THSD4: variants seen among roughly 807,000 people sequenced by gnomAD.
THSD4 encodes thrombospondin type-1 domain-containing protein 4.
THSD4 carries 69 observed loss-of-function variants against 119.0 expected under a neutral mutation model. The ratio of observed to expected loss-of-function variants is 0.58; its 90% CI spans 0.48 to 0.71. The LOEUF is 0.71. THSD4 is among the 30% of genes least tolerant of loss of function. The pLI is 0.00. For synonymous variants in THSD4, 524 were observed against 540.4 expected, an observed-to-expected ratio of 0.97 and a Z score of 0.42; for missense variants, 1,393 against 1,391.1, an observed-to-expected ratio of 1.00 and a Z score of -0.02.
intron 3 of THSD4, chr15:71,189,043 A>G (rs1379662540): frequency 1.3e-5 from 2 of 152,408 alleles, no homozygotes; most frequent in African/African-American, 2.4e-5. Flanking sequence ...TCTTTCAACT[A>G]GAATCATTGA....
chr15:71,226,202 G>T (rs2044017022), intron 4 of THSD4, among the ~76,000 whole-genome samples: 1 of 152,152 alleles, frequency 6.6e-6, no homozygotes, highest in South Asian at 2.1e-4. Flanking sequence ...AGGGTCAAAT[G>T]AGGTAACAGC....
Position 71,547,522 on chromosome 15 carries a change from T to C in THSD4, c.1153-113008T>C, listed in dbSNP as rs758206399. On this transcript the variant is annotated intron_variant, in intron 7 of 17. Coordinates refer to ENST00000261862, the MANE Select transcript of THSD4 (RefSeq NM_024817.3). ...TATCTTGTCAGAAGTTGTATTTTTT[T>C]TCAGCATTATATTTCCTCTTCTATC... is the stretch of plus-strand genomic sequence containing the variant. The C allele has an allele frequency of 2.6e-6, 4 of 1,547,536 alleles. No homozygotes were observed. In the African/African-American group the frequency reaches 4.1e-5, roughly 16 times the overall value.
intron 6 of THSD4, among the ~76,000 whole-genome samples, chr15:71,272,684 A>G (rs974718284): frequency 6.6e-6 from 1 of 151,940 alleles, no homozygotes; most frequent in African/African-American, 2.4e-5. Flanking sequence ...CACGTAGTGA[A>G]GCCCCGTCTC....
intron 3 of THSD4, chr15:71,172,124 G>C (rs143366689): frequency 6.6e-6 from 1 of 152,012 alleles, no homozygotes; most frequent in African/African-American, 2.4e-5. Flanking sequence ...TCAGGAGTTC[G>C]AGACCAGCCT....
chr15:71,412,703 G>A (rs1010319272), intron 7 of THSD4, among the ~76,000 whole-genome samples: 2 of 152,110 alleles, frequency 1.3e-5, no homozygotes, highest in Admixed American at 1.3e-4. Context: ...TAATATTAGG[G>A]ATATTGAGGT....
At chr15:71,666,058 G>C (rs1010616835) in intron 8 of THSD4, among the ~76,000 whole-genome samples, 2 of 152,130 alleles carry the variant, frequency 1.3e-5, no homozygotes, top group Admixed American at 1.3e-4. Context: ...TGGTAGTTTG[G>C]TAGGAATAAC....
At chr15:71,149,358 G>C (rs1263675525) in intron 2 of THSD4, among the ~76,000 whole-genome samples, 1 of 152,136 alleles carries the variant, frequency 6.6e-6, no homozygotes, top group African/African-American at 2.4e-5. Context: ...CGATTCTCCT[G>C]CCTCAGCCTC....
chr15:71,446,082 A>G (rs2047176799), intron 7 of THSD4, among the ~76,000 whole-genome samples: 1 of 152,240 alleles, frequency 6.6e-6, no homozygotes, highest in Non-Finnish European at 1.5e-5. Context: ...ATCTCCATGA[A>G]CAACATCTAA....
chr15:71,633,269 CTTTTTTTTTT>C (rs67682951), intron 7 of THSD4, among the ~76,000 whole-genome samples: 3 of 63,162 alleles, frequency 4.7e-5, no homozygotes, highest in Non-Finnish European at 5.9e-5. Context: ...TTCTTTCTTT[CTTTTTTTTTT>C]TTTTTTTTTT....
At chr15:71,307,857 A>G (rs564168876) in intron 6 of THSD4, among the ~76,000 whole-genome samples, 108 of 152,236 alleles carry the variant, frequency 7.1e-4, no homozygotes, top group Non-Finnish European at 9.4e-4. Context: ...AGGAGAAGGC[A>G]TATGGAGCCA....
intron 5 of THSD4, among the ~76,000 whole-genome samples, chr15:71,244,203 T>G (rs961577): frequency 0.49 from 74,421 of 151,962 alleles, 18,561 homozygotes; most frequent in East Asian, 0.69. Flanking sequence ...CCACAGCTAG[T>G]GAGTAGTAGA....
intron 6 of THSD4, among the ~76,000 whole-genome samples, chr15:71,318,676 C>A (rs147103158): frequency 8.5e-4 from 130 of 152,250 alleles, no homozygotes; most frequent in African/African-American, 3.0e-3. Flanking sequence ...GGGCCAGAAC[C>A]ACACTGGATC....
intron 6 of THSD4, among the ~76,000 whole-genome samples, chr15:71,364,839 G>A (rs1206300331): frequency 6.6e-6 from 1 of 152,200 alleles, no homozygotes; most frequent in Non-Finnish European, 1.5e-5. Context: ...GTATGAAATT[G>A]CTGGAAGCTG....
intron 1 of THSD4, among the ~76,000 whole-genome samples, chr15:71,138,976 C>T (rs2040577007): frequency 6.8e-6 from 1 of 147,492 alleles, no homozygotes. Flanking sequence ...AGTATCCCTC[C>T]CCCCCCCATT....
At chr15:71,318,011 T>G (rs1284801296) in intron 6 of THSD4, among the ~76,000 whole-genome samples, 2 of 152,046 alleles carry the variant, frequency 1.3e-5, no homozygotes, top group East Asian at 1.9e-4. Context: ...AGCTTAGAAT[T>G]TATATGCCCA....
intron 7 of THSD4, among the ~76,000 whole-genome samples, chr15:71,601,012 G>T (rs545234669): frequency 6.6e-6 from 1 of 152,260 alleles, no homozygotes; most frequent in African/African-American, 2.4e-5. Context: ...CTCCTGAAGT[G>T]CTGGCATTAC....
At chr15:71,292,706 T>G (rs1596318553) in intron 6 of THSD4, among the ~76,000 whole-genome samples, 1 of 150,968 alleles carries the variant, frequency 6.6e-6, no homozygotes, top group East Asian at 1.9e-4. Context: ...AGACGGAGTC[T>G]TGCTCTGTCG....
intron 6 of THSD4, among the ~76,000 whole-genome samples, chr15:71,391,879 T>G (rs2046383741): frequency 6.6e-6 from 1 of 152,162 alleles, no homozygotes; most frequent in Admixed American, 6.5e-5. Flanking sequence ...GGTGGCTGTT[T>G]GCAAGAACCA....
intron 7 of THSD4, among the ~76,000 whole-genome samples, chr15:71,531,823 TAAGAG>T (rs1483760223): frequency 1.3e-5 from 2 of 152,126 alleles, no homozygotes; most frequent in Non-Finnish European, 2.9e-5. Context: ...AGCTGCCAAA[TAAGAG>T]AAGCAGAAAC....
Sources: gnomAD v4.1 joint callset for allele counts (sites outside exome capture counted in the v4.1 genomes callset) on GRCh38, gnomAD v4.1.1 for gene constraint, MANE v1.5 for transcripts, NCBI Gene and HGNC (gene_info 2026-07-23, HGNC 2026-07-21) for gene names.